Variants in ALPK1 observed in about 807,000 individuals in gnomAD.
ALPK1 encodes the protein alpha kinase 1.
A neutral mutation model predicts 120.6 loss-of-function variants in ALPK1; 110 were observed. The ratio of observed to expected loss-of-function variants is 0.91; its 90% CI spans 0.78 to 1.07. ALPK1 has a LOEUF of 1.07. ALPK1 is among the 50% of genes least tolerant of loss of function. The pLI, the probability that ALPK1 is intolerant of heterozygous loss-of-function variation, is 0.00. For synonymous variants in ALPK1, 582 were observed against 560.3 expected, an observed-to-expected ratio of 1.04 and a Z score of -0.55; for missense variants, 1,498 against 1,483.9, an observed-to-expected ratio of 1.01 and a Z score of -0.16.
intron 1 of ALPK1, among the ~76,000 whole-genome samples, chr4:112,313,213 G>A (rs28664115): frequency 0.046 from 7,008 of 152,264 alleles, 479 homozygotes; most frequent in African/African-American, 0.15. Context: ...CCGAGGAATA[G>A]GTTTAGATGG....
chr4:112,314,876 C>CTTTTTTTTT (rs763492984), intron 1 of ALPK1, among the ~76,000 whole-genome samples: 1 of 99,624 alleles, frequency 1.0e-5, no homozygotes, highest in Non-Finnish European at 1.9e-5. Context: ...AATCCATTGC[C>CTTTTTTTTT]TTTTTTTTTT....
intron 2 of ALPK1, chr4:112,356,169 A>G: frequency 6.2e-7 from 1 of 1,607,790 alleles, no homozygotes; most frequent in Non-Finnish European, 8.5e-7. Flanking sequence ...GTGACCGTAG[A>G]CTTCCCTTCC....
At chr4:112,350,665 A>T (rs1388358541) in intron 2 of ALPK1, among the ~76,000 whole-genome samples, 1 of 152,162 alleles carries the variant, frequency 6.6e-6, no homozygotes, top group East Asian at 1.9e-4. Context: ...CGTTTTCAGG[A>T]CAAGTCAGGA....
intron 4 of ALPK1, among the ~76,000 whole-genome samples, chr4:112,394,298 T>G (rs1258555313): frequency 6.6e-6 from 1 of 152,196 alleles, no homozygotes; most frequent in African/African-American, 2.4e-5. Context: ...TCTGTTAATG[T>G]GATATGACTA....
intron 2 of ALPK1, among the ~76,000 whole-genome samples, chr4:112,331,898 A>G (rs1017757922): frequency 7.2e-5 from 11 of 152,236 alleles, no homozygotes; most frequent in African/African-American, 2.7e-4. Flanking sequence ...TCAGGTGGGC[A>G]GCTTGGGTCT....
intron 2 of ALPK1, among the ~76,000 whole-genome samples, chr4:112,325,035 T>C (rs1729051343): frequency 6.8e-6 from 1 of 147,748 alleles, no homozygotes; most frequent in Non-Finnish European, 1.5e-5. Context: ...TCAGACCTGA[T>C]AAGGAGGAAA....
rs1446280274 is a variant in ALPK1, at chr4:112,432,422, G to A, written c.2875G>A (p.Val959Ile). ...TCTGAATTCCAGTGGGAGTTCTTGG[G>A]TTTCATTGCCGGGAAAGATGAGGAA... is the stretch of plus-strand genomic sequence containing the variant. Reference protein sequence around the residue: ...SYLNSSGSSWVSLPGKMRKEI... With the variant: ...SYLNSSGSSWISLPGKMRKEI... Residue 959 changes from valine to isoleucine, a missense_variant, in exon 11 of 16, where the codon GTT (valine) becomes ATT (isoleucine). Val to Ile is a conservative substitution (Grantham distance 29). Coordinates refer to ENST00000650871, the MANE Select transcript of ALPK1 (RefSeq NM_025144.4). 6.2e-7 allele frequency: 1 copy of A among 1,614,178 alleles called. No homozygotes were observed. The highest frequency in any genetic ancestry group is 8.5e-7 in the Non-Finnish European group (1 of 1,180,024).
chr4:112,344,139 A>T (rs1412109719), intron 2 of ALPK1, among the ~76,000 whole-genome samples: 1 of 152,194 alleles, frequency 6.6e-6, no homozygotes, highest in Non-Finnish European at 1.5e-5. Context: ...GCGGGGAAAA[A>T]ATCTAATCTT....
chr4:112,432,692 G>A, intron 11 of ALPK1, 111 bp downstream of exon 11: 1 of 984,428 alleles, frequency 1.0e-6, no homozygotes, highest in Non-Finnish European at 1.5e-6. Context: ...TAGAACCCTG[G>A]TATGCTTTGT....
chr4:112,306,664 T>C (rs1386594527), intron 1 of ALPK1, among the ~76,000 whole-genome samples: 8 of 152,018 alleles, frequency 5.3e-5, no homozygotes, highest in African/African-American at 9.7e-5. Flanking sequence ...GTCTTGCTAG[T>C]GGTCTATCAA....
At position 112,393,176 on chromosome 4, in the gene ALPK1, T is replaced by G. The variant is rs1332947286; in HGVS notation, c.276+10624T>G. 5.3e-5 allele frequency among the ~76,000 whole-genome samples: 8 copies of G among 152,230 alleles called. 1 individual carries two copies. The highest frequency in any genetic ancestry group is 1.0e-4 in the Non-Finnish European group (7 of 68,036). ...TGGCCATTGGTCAAGAGAAGCCATG[T>G]GGTCACATTTCTTTTCAAGAAGCCA... On this transcript the variant is annotated intron_variant, in intron 4 of 15. Coordinates refer to ENST00000650871, the MANE Select transcript of ALPK1 (RefSeq NM_025144.4).
chr4:112,369,601 G>A (rs891453674), intron 2 of ALPK1, among the ~76,000 whole-genome samples: 3 of 152,240 alleles, frequency 2.0e-5, no homozygotes, highest in African/African-American at 4.8e-5. Flanking sequence ...AGAATCGCTT[G>A]AACCCAGGAG....
chr4:112,398,334 G>A (rs1732758019), intron 4 of ALPK1, among the ~76,000 whole-genome samples: 1 of 152,064 alleles, frequency 6.6e-6, no homozygotes, highest in South Asian at 2.1e-4. Flanking sequence ...TGTTGCCCAG[G>A]CTGGAGCACA....
At chr4:112,314,794 G>A (rs1286142533) in intron 1 of ALPK1, among the ~76,000 whole-genome samples, 1 of 152,038 alleles carries the variant, frequency 6.6e-6, no homozygotes, top group Non-Finnish European at 1.5e-5. Context: ...GTGGTTTAGG[G>A]GCTGTAGGAG....
chr4:112,314,600 A>G (rs1172639062), intron 1 of ALPK1, among the ~76,000 whole-genome samples: 1 of 152,182 alleles, frequency 6.6e-6, no homozygotes, highest in Admixed American at 6.5e-5. Context: ...GAAGAATAAG[A>G]GTGATTTGGA....
intron 2 of ALPK1, among the ~76,000 whole-genome samples, chr4:112,317,842 C>CAT (rs1266817886): frequency 6.6e-6 from 1 of 152,046 alleles, no homozygotes; most frequent in East Asian, 1.9e-4. Flanking sequence ...AAAATTATTA[C>CAT]ATATATATAC....
intron 2 of ALPK1, among the ~76,000 whole-genome samples, chr4:112,324,110 G>A (rs954080480): frequency 1.1e-4 from 17 of 152,046 alleles, no homozygotes; most frequent in African/African-American, 3.6e-4. Context: ...GGCGGATCAC[G>A]AGGTCAGGAG....
intron 6 of ALPK1, chr4:112,425,436 ATAAAG>A (rs1278744291): frequency 9.3e-6 from 3 of 322,342 alleles, no homozygotes; most frequent in Admixed American, 8.8e-5. Flanking sequence ...AGGAGGCAAA[ATAAAG>A]TAGAGTGGAC....
chr4:112,398,489 G>C (rs1239133444), intron 4 of ALPK1, among the ~76,000 whole-genome samples: 1 of 152,100 alleles, frequency 6.6e-6, no homozygotes, highest in Non-Finnish European at 1.5e-5. Flanking sequence ...TGTAAAGACA[G>C]GGTCTCCCTA....
Sources: allele counts gnomAD v4.1 joint callset (sites outside exome capture counted in the v4.1 genomes callset), GRCh38; gene constraint gnomAD v4.1.1; transcripts MANE v1.5; gene names NCBI Gene and HGNC (gene_info 2026-07-23, HGNC 2026-07-21).